The following NTRK3 variants were observed in gnomAD, a reference collection of about 807,000 sequenced individuals.
NTRK3 encodes the protein NT-3 growth factor receptor.
NTRK3 carries 24 observed loss-of-function variants against 91.7 expected under a neutral mutation model. The ratio of observed to expected loss-of-function variants is 0.26; its 90% confidence interval spans 0.19 to 0.37. The LOEUF (loss-of-function observed/expected upper bound fraction) is 0.37. NTRK3 is among the 10% of genes least tolerant of loss of function. NTRK3 has a pLI of 1.00. For synonymous variants in NTRK3, 483 were observed against 404.0 expected, an observed-to-expected ratio of 1.20 and a Z score of -2.34; for missense variants, 880 against 1,068.9, an observed-to-expected ratio of 0.82 and a Z score of 2.46.
intron 14 of NTRK3, among the ~76,000 whole-genome samples, chr15:88,024,335 C>T (rs1364266912): frequency 6.6e-6 from 1 of 152,068 alleles, no homozygotes; most frequent in Non-Finnish European, 1.5e-5. Flanking sequence ...GAGAGTGAGG[C>T]CAGGAACTCC....
chr15:88,183,587 G>C, intron 4 of NTRK3, 98 bp from the exon 5 acceptor site: 1 of 1,110,518 alleles, frequency 9.0e-7, no homozygotes, highest in South Asian at 1.2e-5. Context: ...GGCTGGCCCT[G>C]CAGCCGCCCT....
chr15:87,973,079 C>T (rs1047348493), intron 14 of NTRK3, among the ~76,000 whole-genome samples: 4 of 152,144 alleles, frequency 2.6e-5, no homozygotes, highest in African/African-American at 9.7e-5. Flanking sequence ...CATACAGAAC[C>T]TTTGAGCAAT....
intron 13 of NTRK3, among the ~76,000 whole-genome samples, chr15:88,088,447 A>G (rs542007292): frequency 6.6e-6 from 1 of 152,224 alleles, no homozygotes; most frequent in Non-Finnish European, 1.5e-5. Flanking sequence ...CACCAGAATG[A>G]GCAACAAGGA....
At chr15:87,949,832 C>T (rs1340021933) in intron 14 of NTRK3, among the ~76,000 whole-genome samples, 1 of 152,204 alleles carries the variant, frequency 6.6e-6, no homozygotes, top group Non-Finnish European at 1.5e-5. Context: ...AGAAAAAGAA[C>T]TCCCCAAGGA....
chr15:87,933,320 G>A, intron 15 of NTRK3, 136 bp from the exon 16 acceptor site: 2 of 846,956 alleles, frequency 2.4e-6, no homozygotes, highest in Middle Eastern at 3.2e-4. Flanking sequence ...TAAAGACAAT[G>A]AAGCTCAATC....
intron 3 of NTRK3, among the ~76,000 whole-genome samples, chr15:88,239,230 GAC>G: frequency 6.6e-6 from 1 of 152,192 alleles, no homozygotes; most frequent in Admixed American, 6.5e-5. Flanking sequence ...CGGATCACGA[GAC>G]TGAGAGTGAA....
In NTRK3 at chr15:88,135,405, G is replaced by A. The variant is rs780813613; in HGVS notation, c.908-8C>T. 4.7e-5 allele frequency: 75 copies of A among 1,612,622 alleles called. No homozygotes were observed. Among genetic ancestry groups the A allele is most frequent in the Non-Finnish European group, 6.2e-5 (73 of 1,179,866 alleles). On this transcript the variant is annotated splice_polypyrimidine_tract_variant and splice_region_variant and intron_variant, in intron 9 of 18. Coordinates refer to ENST00000394480, the Ensembl canonical transcript of NTRK3. ...TCACCACACGTGGGGGATCTGTCAA[G>A]GGAGAAGCCTGCTGAAATCCAGGAC...
chr15:88,091,363 T>C (rs976106771), intron 13 of NTRK3, among the ~76,000 whole-genome samples: 1 of 152,154 alleles, frequency 6.6e-6, no homozygotes, highest in Admixed American at 6.5e-5. Flanking sequence ...GTTTCCCATA[T>C]CCAATAACAT....
intron 17 of NTRK3, among the ~76,000 whole-genome samples, chr15:87,895,482 A>C (rs2066064800): frequency 6.6e-6 from 1 of 152,198 alleles, no homozygotes; most frequent in Non-Finnish European, 1.5e-5. Flanking sequence ...CTTATTTTCC[A>C]ATCTGACTTT....
chr15:88,025,030 C>T (rs555015239), intron 14 of NTRK3, among the ~76,000 whole-genome samples: 27 of 152,302 alleles, frequency 1.8e-4, no homozygotes, highest in African/African-American at 6.5e-4. Context: ...AAGGTTGGTA[C>T]AATCACACGT....
At chr15:88,011,493 T>G (rs991209444) in intron 14 of NTRK3, among the ~76,000 whole-genome samples, 2 of 152,096 alleles carry the variant, frequency 1.3e-5, no homozygotes, top group Non-Finnish European at 1.5e-5. Context: ...TTCAGAACAT[T>G]TGGAAATCAT....
At chr15:87,959,119 C>A (rs1345862754) in intron 14 of NTRK3, among the ~76,000 whole-genome samples, 1 of 152,118 alleles carries the variant, frequency 6.6e-6, no homozygotes, top group African/African-American at 2.4e-5. Context: ...CGCTTGCTCT[C>A]CAACCACTCA....
At chr15:87,910,182 C>G (rs1041613787) in intron 17 of NTRK3, among the ~76,000 whole-genome samples, 36 of 152,130 alleles carry the variant, frequency 2.4e-4, no homozygotes, top group African/African-American at 8.7e-4. Context: ...TTTACTCACA[C>G]AAGGCTCCAA....
intron 5 of NTRK3, among the ~76,000 whole-genome samples, chr15:88,153,614 G>A (rs2043607328): frequency 6.6e-6 from 1 of 152,080 alleles, no homozygotes; most frequent in Non-Finnish European, 1.5e-5. Flanking sequence ...CATTCATGGT[G>A]CTATAACAAA....
At chr15:87,969,585 C>T (rs935740763) in intron 14 of NTRK3, among the ~76,000 whole-genome samples, 2 of 152,164 alleles carry the variant, frequency 1.3e-5, no homozygotes, top group African/African-American at 4.8e-5. Flanking sequence ...CTTACATCTT[C>T]TGTGCTATAA....
chr15:88,115,921 GT>G (rs1037046100), intron 13 of NTRK3, among the ~76,000 whole-genome samples: 3 of 152,096 alleles, frequency 2.0e-5, no homozygotes, highest in Non-Finnish European at 4.4e-5. Flanking sequence ...AGCTTTTCCG[GT>G]TTTTTATAGC....
chr15:88,016,643 G>C (rs2077251079), intron 14 of NTRK3, among the ~76,000 whole-genome samples: 1 of 152,214 alleles, frequency 6.6e-6, no homozygotes, highest in African/African-American at 2.4e-5. Context: ...TAAGATGATG[G>C]ATACTTTTAA....
chr15:88,126,668 A>C (rs2053320813), intron 12 of NTRK3, among the ~76,000 whole-genome samples: 1 of 152,186 alleles, frequency 6.6e-6, no homozygotes, highest in Non-Finnish European at 1.5e-5. Flanking sequence ...GAGGCGTCTG[A>C]TTTTGTTTTA....
chr15:87,957,849 T>C (rs1309978850), intron 14 of NTRK3, among the ~76,000 whole-genome samples: 8 of 152,174 alleles, frequency 5.3e-5, no homozygotes, highest in Admixed American at 4.6e-4. Context: ...CATTAATTAG[T>C]CTGTGTAAAT....
Sources: gnomAD v4.1 joint callset for allele counts (sites outside exome capture counted in the v4.1 genomes callset) on GRCh38, gnomAD v4.1.1 for gene constraint, MANE v1.5 for transcripts, NCBI Gene and HGNC (gene_info 2026-07-23, HGNC 2026-07-21) for gene names.